The following LIPG variants were observed in gnomAD, a reference collection of about 807,000 sequenced individuals.
The protein encoded by LIPG is lipase G, endothelial type.
LIPG carries 34 observed loss-of-function variants against 51.8 expected under a neutral mutation model. That is an observed-to-expected ratio of 0.66 (90% CI 0.50 to 0.87). LIPG has a LOEUF of 0.87. Ranked by LOEUF, LIPG falls within the 40% of genes least tolerant of loss-of-function variation. LIPG has a pLI of 0.00. For synonymous variants in LIPG, 246 were observed against 246.1 expected (o/e 1.00, Z 0.00); for missense variants, 580 against 652.7 (o/e 0.89, Z 1.21).
In LIPG at chr18:49,597,068, C is replaced by G. The variant is rs1188198533; in HGVS notation, c.*6546C>G. On this transcript the variant is annotated 3_prime_UTR_variant, in exon 10 of 10. Coordinates refer to ENST00000261292, the MANE Select transcript of LIPG (RefSeq NM_006033.4). ...TTTGATTTGCATGGAGGCAGTAGGT[C>G]AAATCAAAAGGAAATTTTCCTCTCC... The G allele has an allele frequency of 1.3e-5, 2 of 152,090 alleles. No individual in the cohort carries two copies. The highest frequency in any genetic ancestry group is 2.9e-5 in the Non-Finnish European group (2 of 68,032). 9.4% of individuals were successfully genotyped at this position (152,090 alleles called of 1,614,324 possible).
chr18:49,564,946 A>G (rs1317623799), intron 1 of LIPG, among the ~76,000 whole-genome samples: 1 of 152,246 alleles, frequency 6.6e-6, no homozygotes, highest in Non-Finnish European at 1.5e-5. Context: ...GAAAACTTCT[A>G]AATTCTGAAA....
At position 49,598,679 on chromosome 18, in the gene LIPG, T is replaced by C. The variant is rs1568542145; in HGVS notation, c.*8157T>C. 1 of 152,168 alleles carries C rather than the reference T, an allele frequency of 6.6e-6. No individual in the cohort carries two copies. Among genetic ancestry groups the C allele is most frequent in the African/African-American group, 2.4e-5 (1 of 41,440 alleles). 9.4% of individuals were successfully genotyped at this position (152,168 alleles called of 1,614,324 possible). A position where few individuals can be genotyped will look rare whatever the true frequency, so the allele number is the denominator to read the frequency against. On this transcript the variant is annotated 3_prime_UTR_variant, in exon 10 of 10. Transcript: ENST00000261292. ...TAATTTGACATTTTGGTACAGGAAA[T>C]CATCATGAAACTGAAAGCATTACCA...
intron 4 of LIPG, among the ~76,000 whole-genome samples, chr18:49,574,369 C>T (rs1027243517): frequency 5.3e-5 from 8 of 152,148 alleles, no homozygotes; most frequent in South Asian, 4.1e-4. Context: ...TAGGATCATC[C>T]GGGGAATAAA....
chr18:49,579,239 C>A (rs138828919), intron 5 of LIPG, among the ~76,000 whole-genome samples: 4 of 125,620 alleles, frequency 3.2e-5, no homozygotes, highest in Non-Finnish European at 6.6e-5. Flanking sequence ...AGGGAGAGGG[C>A]TCACCGGATA....
rs1333181278 is a variant in LIPG, at chr18:49,598,204, T to C, written c.*7682T>C. The C allele has an allele frequency of 6.6e-6, 1 of 152,072 alleles. No homozygotes were observed. The highest frequency in any genetic ancestry group is 1.9e-4 in the East Asian group (1 of 5,184). The allele number at this position is 152,072 out of a possible 1,614,324, so 9.4% of individuals were successfully genotyped here. ...CTGTCTCTCTCTCTCTCTTTTTTAA[T>C]TTTTTTTGGAGACACGGTATCACTG... On this transcript the variant is annotated 3_prime_UTR_variant, in exon 10 of 10. Coordinates refer to ENST00000261292, the MANE Select transcript of LIPG (RefSeq NM_006033.4).
At position 49,589,987 on chromosome 18, in the gene LIPG, T is replaced by C. The variant is rs1568538933; in HGVS notation, c.1482-514T>C. 3 of 202,732 alleles carry C rather than the reference T, an allele frequency of 1.5e-5. No individual in the cohort carries two copies. The East Asian group carries it at 3.5e-4, about 24-fold the overall frequency. The allele number at this position is 202,732 out of a possible 1,614,324, so 12.6% of individuals were successfully genotyped here. On this transcript the variant is annotated intron_variant, in intron 9 of 9. Transcript: ENST00000261292. ...CCTCCTGACATGGATGCTGTTCACA[T>C]GTTCACTGATAAGGAGCCTGAGATT...
At chr18:49,562,461 T>C in intron 1 of LIPG, 56 bp downstream of exon 1, 2 of 1,439,950 alleles carry the variant, frequency 1.4e-6, no homozygotes, top group Non-Finnish European at 2.0e-6. Context: ...GGGTCCCCTC[T>C]GTCTTGCTGA....
chr18:49,578,969 C>G (rs1374273959), intron 5 of LIPG, among the ~76,000 whole-genome samples: 4 of 128,640 alleles, frequency 3.1e-5, no homozygotes, highest in South Asian at 2.8e-4. Flanking sequence ...GCAGTACAGT[C>G]CAGCTTCGGC....
In LIPG at chr18:49,581,626, C is replaced by T; in HGVS notation, c.1005C>T (p.Tyr335=). Residue 335 remains tyrosine, a synonymous_variant, in exon 6 of 10, where the codon TAC becomes TAT. Coordinates refer to ENST00000261292, the MANE Select transcript of LIPG (RefSeq NM_006033.4). ...KMRNKRNSKM[Y]LKTRAGMPFR... ...GGAACAAGAGGAACAGCAAAATGTA[C>T]CTAAAAACCCGGGCAGGCATGCCTT... The T allele has an allele frequency of 2.5e-6, 4 of 1,614,100 alleles. No individual in the cohort carries two copies. Among genetic ancestry groups the T allele is most frequent in the Non-Finnish European group, 3.4e-6 (4 of 1,180,034 alleles).
chr18:49,566,461 C>T (rs1023204041), intron 2 of LIPG, among the ~76,000 whole-genome samples: 1 of 152,162 alleles, frequency 6.6e-6, no homozygotes, highest in Non-Finnish European at 1.5e-5. Flanking sequence ...AGCAGTTTCC[C>T]ACAGAAGCAA....
intron 9 of LIPG, among the ~76,000 whole-genome samples, chr18:49,587,366 C>G (rs1343745939): frequency 6.6e-6 from 1 of 151,610 alleles, no homozygotes; most frequent in Middle Eastern, 3.4e-3. Context: ...GTCAGGAGAT[C>G]GACACAATCC....
Position 49,567,512 on chromosome 18 carries a change from A to G in LIPG, c.350A>G (p.Asn117Ser), listed in dbSNP as rs2084619274. The stretch of plus-strand genomic sequence containing the variant: ...CTGCACACAAGAGAGAAAGACGCCA[A>G]TGTAGTTGTGGTTGACTGGCTCCCC... The part of the protein sequence containing the change: ...SALHTREKDA[N>S]VVVVDWLPLA... The change falls in exon 3 of 10, where the codon AAT (asparagine) becomes AGT (serine). Residue 117 changes from asparagine to serine, a missense_variant. Transcript: ENST00000261292. 3.7e-6 allele frequency: 6 copies of G among 1,614,170 alleles called. No individual in the cohort carries two copies. The highest frequency in any genetic ancestry group is 3.3e-5 in the South Asian group (3 of 91,084).
At chr18:49,578,391 C>T (rs1241914993) in intron 5 of LIPG, among the ~76,000 whole-genome samples, 19 of 127,038 alleles carry the variant, frequency 1.5e-4, no homozygotes, top group Non-Finnish European at 2.3e-4. Context: ...GATGGGGCGG[C>T]GGGGCAGAGG....
At position 49,597,049 on chromosome 18, in the gene LIPG, T is replaced by G. The variant is rs2084986365; in HGVS notation, c.*6527T>G. On this transcript the variant is annotated 3_prime_UTR_variant, in exon 10 of 10. Transcript: ENST00000261292. ...TTGTTAATCCAAATTAATCTTTGATTTGCATGGAGGCAGTAGGTCAAATCA... is the reference window on the plus strand; with the variant it reads ...TTGTTAATCCAAATTAATCTTTGATGTGCATGGAGGCAGTAGGTCAAATCA... 6.6e-6 allele frequency: 1 copy of G among 152,192 alleles called. No homozygotes were observed. Among genetic ancestry groups the G allele is most frequent in the Admixed American group, 6.5e-5 (1 of 15,276 alleles). 9.4% of individuals were successfully genotyped at this position (152,192 alleles called of 1,614,324 possible).
chr18:49,562,499 A>C, intron 1 of LIPG, 94 bp downstream of exon 1: 1 of 1,143,972 alleles, frequency 8.7e-7, no homozygotes. Flanking sequence ...GTTCCTATGA[A>C]ATTCTTCCTT....
At position 49,575,468 on chromosome 18, in the gene LIPG, G is replaced by A. The variant is rs142545730; in HGVS notation, c.671G>A (p.Arg224His). Residue 224 changes from arginine (R) to histidine (H), a missense_variant, in exon 5 of 10, where the codon CGT (arginine) becomes CAT (histidine). Coordinates refer to ENST00000261292, the MANE Select transcript of LIPG (RefSeq NM_006033.4). ...DFVDVLHTYT[R>H]SFGLSIGIQM... ...GTGGATGTCCTCCACACCTACACGC[G>A]TTCCTTCGGCTTGAGCATTGGTATT... is the stretch of plus-strand genomic sequence containing the variant. 467 of 1,614,064 alleles carry A rather than the reference G, an allele frequency of 2.9e-4. No homozygotes were observed. The highest frequency in any genetic ancestry group is 3.8e-4 in the East Asian group (17 of 44,886).
chr18:49,583,719 G>A lies in LIPG; in HGVS notation c.1321G>A (p.Gly441Arg), dbSNP rs755091056. 24 of 1,613,996 alleles carry A rather than the reference G, an allele frequency of 1.5e-5. No homozygotes were observed. The South Asian group carries it at 1.6e-4, about 11-fold the overall frequency. The change falls in exon 8 of 10, where the codon GGA becomes AGA. Residue 441 changes from glycine (G) to arginine (R), a missense_variant. Coordinates refer to ENST00000261292, the MANE Select transcript of LIPG (RefSeq NM_006033.4). Reference sequence around the variant, plus strand: ...CTACCTGTCTCAACCCCGCAACCCCGGACGGGAGCTGAATATCAGGCGCAT... The same window carrying A: ...CTACCTGTCTCAACCCCGCAACCCCAGACGGGAGCTGAATATCAGGCGCAT... ...RSYLSQPRNP[G>R]RELNIRRIRV...
rs201924713 is a variant in LIPG, at chr18:49,583,559, G to A, written c.1161G>A (p.Val387=). 1 of 1,613,976 alleles carries A rather than the reference G, an allele frequency of 6.2e-7. No individual in the cohort carries two copies. Among genetic ancestry groups the A allele is most frequent in the African/African-American group, 1.3e-5 (1 of 75,038 alleles). Residue 387 remains valine, a synonymous_variant, in exon 8 of 10, where the codon GTG becomes GTA. Coordinates refer to ENST00000261292, the MANE Select transcript of LIPG (RefSeq NM_006033.4). ...ADSQTLPLEI[V]ERIEQNATNT... is the part of the protein sequence containing the mutation. ...TCAGCTTCTCTCCCACTTGTAGAGT[G>A]GAGCGGATCGAGCAGAATGCCACCA...
In LIPG at chr18:49,596,467, C is replaced by T. The variant is rs1226892894; in HGVS notation, c.*5945C>T. On this transcript the variant is annotated 3_prime_UTR_variant, in exon 10 of 10. Transcript: ENST00000261292. ...TGGCCAATGTGGTGAAACCCTGTCT[C>T]TACTAAAAATACAAAAAGTTAGCCA... The T allele has an allele frequency of 3.3e-5, 5 of 151,776 alleles. No homozygotes were observed. The highest frequency in any genetic ancestry group is 1.3e-4 in the Admixed American group (2 of 15,238). The allele number at this position is 151,776 out of a possible 1,614,324, so 9.4% of individuals were successfully genotyped here. A position where few individuals can be genotyped will look rare whatever the true frequency, so the allele number is the denominator to read the frequency against.
Sources: allele counts gnomAD v4.1 joint callset (sites outside exome capture counted in the v4.1 genomes callset), GRCh38; gene constraint gnomAD v4.1.1; transcripts MANE v1.5; gene names NCBI Gene and HGNC (gene_info 2026-07-23, HGNC 2026-07-21).